NRXN3: variants seen among roughly 807,000 people sequenced by gnomAD.
NRXN3 encodes the protein neurexin 3.
A neutral mutation model predicts 137.6 loss-of-function variants in NRXN3; 32 were observed. The observed-to-expected ratio is 0.23, with a 90% CI of 0.18 to 0.31. NRXN3 has a LOEUF of 0.31. Ranked by LOEUF, NRXN3 falls within the 10% of genes least tolerant of loss-of-function variation. The probability of loss-of-function intolerance (pLI) is 1.00; values close to 1 mark genes in which losing one functional copy is unlikely to be tolerated. For synonymous variants in NRXN3, 798 were observed against 784.5 expected (o/e 1.02, Z -0.29); for missense variants, 1,574 against 2,062.5 (o/e 0.76, Z 4.59).
At chr14:79,078,939 T>G (rs1438406127) in intron 15 of NRXN3, among the ~76,000 whole-genome samples, 1 of 152,084 alleles carries the variant, frequency 6.6e-6, no homozygotes, top group East Asian at 1.9e-4. Context: ...CAGAAGAAGA[T>G]GAAAGAGAGA....
At chr14:79,420,067 T>C (rs1452369889) in intron 15 of NRXN3, among the ~76,000 whole-genome samples, 1 of 135,950 alleles carries the variant, frequency 7.4e-6, no homozygotes, top group African/African-American at 2.5e-5. Flanking sequence ...GGAAGAGATA[T>C]TTTGGCTCCA....
At chr14:78,668,918 C>CTCTATCTG (rs2097910440) in intron 6 of NRXN3, among the ~76,000 whole-genome samples, 1 of 149,602 alleles carries the variant, frequency 6.7e-6, no homozygotes, top group African/African-American at 2.5e-5. Context: ...ACATATTAAA[C>CTCTATCTG]TCTATCTATC....
At chr14:79,709,532 G>GGGGATATATACATACATA (rs2098795002) in intron 19 of NRXN3, among the ~76,000 whole-genome samples, 1 of 152,090 alleles carries the variant, frequency 6.6e-6, no homozygotes, top group Non-Finnish European at 1.5e-5. Context: ...TTTCTGAGAG[G>GGGGATATATACATACATA]TGACCTCCAA....
chr14:79,571,815 T>C (rs72690787), intron 16 of NRXN3, among the ~76,000 whole-genome samples: 15,739 of 152,154 alleles, frequency 0.1, 1,085 homozygotes, highest in Admixed American at 0.18. Flanking sequence ...AGAATACTTA[T>C]AGGAGGTAAT....
chr14:78,190,289 A>C (rs889194177), intron 1 of NRXN3, among the ~76,000 whole-genome samples: 4 of 152,372 alleles, frequency 2.6e-5, no homozygotes, highest in Middle Eastern at 3.4e-3. Context: ...CATTTTGAAC[A>C]GGAATACCTG....
intron 15 of NRXN3, among the ~76,000 whole-genome samples, chr14:79,192,114 C>G (rs1568556536): frequency 6.6e-6 from 1 of 152,174 alleles, no homozygotes; most frequent in Admixed American, 6.5e-5. Flanking sequence ...GCCTGGAACT[C>G]CTGACCTTGT....
At chr14:78,975,072 T>G (rs1197135821) in intron 14 of NRXN3, among the ~76,000 whole-genome samples, 1 of 152,234 alleles carries the variant, frequency 6.6e-6, no homozygotes, top group Non-Finnish European at 1.5e-5. Context: ...AGGAAGTTAG[T>G]GTCAGCTATG....
At chr14:78,892,736 G>A (rs1183236462) in intron 10 of NRXN3, among the ~76,000 whole-genome samples, 2 of 150,336 alleles carry the variant, frequency 1.3e-5, no homozygotes, top group South Asian at 2.1e-4. Flanking sequence ...GACACAGCAG[G>A]CAACTTAATT....
intron 1 of NRXN3, among the ~76,000 whole-genome samples, chr14:78,198,170 T>G (rs2061389108): frequency 6.6e-6 from 1 of 152,206 alleles, no homozygotes; most frequent in Non-Finnish European, 1.5e-5. Flanking sequence ...AGTTTGATTT[T>G]CTTTTTCTGT....
chr14:79,768,363 A>G (rs1029257661), intron 19 of NRXN3, among the ~76,000 whole-genome samples: 1 of 152,222 alleles, frequency 6.6e-6, no homozygotes, highest in African/African-American at 2.4e-5. Context: ...CTGCAGACTT[A>G]AGTATCCCTG....
intron 10 of NRXN3, among the ~76,000 whole-genome samples, chr14:78,928,865 A>G (rs1454033913): frequency 6.6e-6 from 1 of 152,148 alleles, no homozygotes; most frequent in Non-Finnish European, 1.5e-5. Flanking sequence ...TAGATTGAGG[A>G]ATTGCCACAC....
At chr14:78,265,892 C>T (rs1233195143) in intron 2 of NRXN3, among the ~76,000 whole-genome samples, 1 of 152,234 alleles carries the variant, frequency 6.6e-6, no homozygotes. Flanking sequence ...GGCCCATCTT[C>T]CTGGCTAGAC....
chr14:79,731,147 G>A (rs2098920916), intron 19 of NRXN3, among the ~76,000 whole-genome samples: 1 of 152,030 alleles, frequency 6.6e-6, no homozygotes, highest in Non-Finnish European at 1.5e-5. Flanking sequence ...AACTGTGCAG[G>A]GTAGATCGAA....
chr14:79,865,501 T>C lies in NRXN3; in HGVS notation c.*3537T>C, dbSNP rs957550926. 4 of 152,224 alleles carry C rather than the reference T, an allele frequency of 2.6e-5. No homozygotes were observed. Among genetic ancestry groups the C allele is most frequent in the African/African-American group, 9.6e-5 (4 of 41,460 alleles). 9.4% of individuals were successfully genotyped at this position (152,224 alleles called of 1,614,324 possible). ...AAAAATATATATTTAGTTAAGCCTG[T>C]GCCTTCAAGATAACATTAGTGGAGT... On this transcript the variant is annotated 3_prime_UTR_variant, in exon 21 of 21. Coordinates refer to ENST00000335750, the MANE Select transcript of NRXN3 (RefSeq NM_001330195.2).
chr14:78,812,200 C>A (rs187160697), intron 10 of NRXN3, among the ~76,000 whole-genome samples: 85 of 152,256 alleles, frequency 5.6e-4, no homozygotes, highest in Non-Finnish European at 9.6e-4. Flanking sequence ...TCCTACCCAT[C>A]GTCCTAGGTA....
At chr14:78,965,280 T>C (rs1193764222) in intron 11 of NRXN3, among the ~76,000 whole-genome samples, 1 of 152,170 alleles carries the variant, frequency 6.6e-6, no homozygotes, top group African/African-American at 2.4e-5. Flanking sequence ...GAAATGCAGA[T>C]TCTCAGGCCT....
chr14:78,576,445 A>G (rs1043552888), intron 4 of NRXN3, among the ~76,000 whole-genome samples: 9 of 152,226 alleles, frequency 5.9e-5, no homozygotes, highest in Admixed American at 2.0e-4. Context: ...AATCAAGAAT[A>G]TAAAAATCTC....
intron 1 of NRXN3, among the ~76,000 whole-genome samples, chr14:78,195,111 GT>G (rs2153382670): frequency 7.1e-6 from 1 of 141,580 alleles, no homozygotes; most frequent in South Asian, 2.2e-4. Flanking sequence ...CTTAATTTAA[GT>G]AAGTTTTAAA....
chr14:79,779,801 C>T (rs985061132), intron 19 of NRXN3, among the ~76,000 whole-genome samples: 13 of 152,162 alleles, frequency 8.5e-5, no homozygotes, highest in Non-Finnish European at 1.6e-4. Context: ...TTTCTCAACT[C>T]ATTTCTTAAT....
Sources: gnomAD v4.1 joint callset for allele counts (sites outside exome capture counted in the v4.1 genomes callset) on GRCh38, gnomAD v4.1.1 for gene constraint, MANE v1.5 for transcripts, NCBI Gene and HGNC (gene_info 2026-07-23, HGNC 2026-07-21) for gene names.